Variants in P3H3 observed in about 807,000 individuals in gnomAD.
P3H3 encodes the protein prolyl 3-hydroxylase 3, also known as gene rich cluster, B.
P3H3 carries 64 observed loss-of-function variants against 78.1 expected under a neutral mutation model. The ratio of observed to expected loss-of-function variants is 0.82; its 90% CI spans 0.67 to 1.01. P3H3 has a LOEUF of 1.01. P3H3 is among the 50% of genes least tolerant of loss of function. P3H3 has a pLI of 0.00. For synonymous variants in P3H3, 425 were observed against 416.7 expected (o/e 1.02, Z -0.24); for missense variants, 975 against 982.2 (o/e 0.99, Z 0.10).
At chr12:6,837,191 G>A in intron 10 of P3H3, 105 bp downstream of exon 10, 1 of 1,095,486 alleles carries the variant, frequency 9.1e-7, no homozygotes, top group Non-Finnish European at 1.3e-6. Flanking sequence ...GAGCTTTCTT[G>A]GGACCGAGAC....
intron 13 of P3H3, among the ~76,000 whole-genome samples, chr12:6,838,476 G>C (rs1555122555): frequency 6.6e-6 from 1 of 152,090 alleles, no homozygotes; most frequent in Non-Finnish European, 1.5e-5. Flanking sequence ...GGTCATTGTA[G>C]GAAGTAATTT....
intron 9 of P3H3, among the ~76,000 whole-genome samples, chr12:6,836,001 G>A (rs1263008178): frequency 3.3e-5 from 5 of 152,186 alleles, no homozygotes; most frequent in Non-Finnish European, 7.3e-5. Flanking sequence ...TGAGGCAGGC[G>A]AATGGCTTGA....
intron 9 of P3H3, among the ~76,000 whole-genome samples, chr12:6,835,379 T>C (rs1943486073): frequency 6.6e-6 from 1 of 152,036 alleles, no homozygotes; most frequent in Non-Finnish European, 1.5e-5. Flanking sequence ...GGTCAGGAGT[T>C]CAAGACCAGC....
In P3H3 at chr12:6,831,300, A is replaced by G. The variant is rs1440122585; in HGVS notation, c.1070A>G (p.Asn357Ser). The change falls in exon 5 of 15, where the codon AAC becomes AGC. Residue 357 changes from asparagine (N) to serine (S), a missense_variant. Asn to Ser is a conservative substitution (Grantham distance 46). Transcript: ENST00000290510. This position sits in a 1 kb window ranked among gnomAD's most constrained non-coding sequence, Gnocchi z 4.6. Reference protein sequence around the residue: ...PEDEAAKRALNQYQAQLGEPR... With the variant: ...PEDEAAKRALSQYQAQLGEPR... ...GATGAGGCTGCCAAGAGGGCTCTGA[A>G]CCAGTACCAGGCCCAGCTGGGAGAG... The G allele has an allele frequency of 4.3e-6, 7 of 1,613,688 alleles. No individual in the cohort carries two copies. Among genetic ancestry groups the G allele is most frequent in the Non-Finnish European group, 5.9e-6 (7 of 1,179,830 alleles).
In P3H3 at chr12:6,828,877, C is replaced by T; in HGVS notation, c.437C>T (p.Ala146Val). Residue 146 changes from alanine to valine, a missense_variant, in exon 1 of 15, where the codon GCG becomes GTG. By Grantham distance (64) the Ala-to-Val change is moderately conservative (BLOSUM62 0). Transcript: ENST00000290510. ...GCGGCGCGGCTTCGCGTGGGGAGCG[C>T]GCTCCGGGACGCCTTCCGCCGTCGG... ...GGAARLRVGS[A>V]LRDAFRRREP... 8.0e-7 allele frequency: 1 copy of T among 1,247,032 alleles called. No individual in the cohort carries two copies. Among genetic ancestry groups the T allele is most frequent in the Non-Finnish European group, 1.0e-6 (1 of 995,630 alleles). 77.2% of individuals were successfully genotyped at this position (1,247,032 alleles called of 1,614,324 possible). A position where few individuals can be genotyped will look rare whatever the true frequency, so the allele number is the denominator to read the frequency against.
At chr12:6,832,127 T>G (rs1430464089) in intron 6 of P3H3, among the ~76,000 whole-genome samples, 1 of 152,196 alleles carries the variant, frequency 6.6e-6, no homozygotes, top group Non-Finnish European at 1.5e-5. Context: ...CCCAAACATC[T>G]CTGAACTTCA....
In P3H3 at chr12:6,831,934, C is replaced by T. The variant is rs1470112949; in HGVS notation, c.1212+20C>T. 2.9e-6 allele frequency: 4 copies of T among 1,389,284 alleles called. No individual in the cohort carries two copies. The highest frequency in any genetic ancestry group is 2.8e-5 in the African/African-American group (2 of 70,274). 86.1% of individuals were successfully genotyped at this position (1,389,284 alleles called of 1,614,324 possible). The stretch of plus-strand genomic sequence containing the variant: ...GATCCTGTGAGTCACTCCACTTCTG[C>T]CCATCTCACCCCTCCGCACTCCCAG... On this transcript the variant is annotated intron_variant, in intron 6 of 14. Transcript: ENST00000290510. The surrounding 1 kb of genome is among the most constrained non-coding windows in gnomAD (Gnocchi z 4.6).
rs782424518 is a variant in P3H3 at position 6,837,103 on chromosome 12, C to G, written c.1560+17C>G. 3 of 1,588,812 alleles carry G rather than the reference C, an allele frequency of 1.9e-6. No homozygotes were observed. Among genetic ancestry groups the G allele is most frequent in the Non-Finnish European group, 2.6e-6 (3 of 1,169,532 alleles). Reference sequence around the variant, plus strand: ...GCTGCGCAGGTGAGCACAGGAGGCACCCGGGCCCGTCTGATGCCCAGACCT... The same window carrying G: ...GCTGCGCAGGTGAGCACAGGAGGCAGCCGGGCCCGTCTGATGCCCAGACCT... On this transcript the variant is annotated intron_variant, in intron 10 of 14. Coordinates refer to ENST00000290510, the MANE Select transcript of P3H3 (RefSeq NM_014262.5).
Position 6,837,514 on chromosome 12 carries a change from C to G in P3H3, c.1652C>G (p.Ser551Cys). The G allele has an allele frequency of 6.2e-7, 1 of 1,611,990 alleles. No individual in the cohort carries two copies. The highest frequency in any genetic ancestry group is 1.6e-4 in the Middle Eastern group (1 of 6,062). The stretch of plus-strand genomic sequence containing the variant: ...CGGACCTTGACCCAGGCCTACTTCT[C>G]CCCGGAACGGCCCCTGCATCTGTCC... The part of the protein sequence containing the change: ...RVRTLTQAYF[S>C]PERPLHLSFT... Residue 551 changes from serine to cysteine, a missense_variant, in exon 11 of 15, where the codon TCC becomes TGC. Coordinates refer to ENST00000290510, the MANE Select transcript of P3H3 (RefSeq NM_014262.5).
At chr12:6,835,579 C>T (rs188694028) in intron 9 of P3H3, among the ~76,000 whole-genome samples, 26 of 151,682 alleles carry the variant, frequency 1.7e-4, no homozygotes, top group Admixed American at 1.2e-3. Context: ...ATCAAAACTC[C>T]GCCTCGAAAA....
chr12:6,828,664 T>C lies in P3H3; in HGVS notation c.224T>C (p.Leu75Pro). The change falls in exon 1 of 15, where the codon CTG becomes CCG. Residue 75 changes from leucine to proline, a missense_variant. Leu to Pro is a moderately conservative substitution (Grantham distance 98). Transcript: ENST00000290510. ...CAGGCGGCGCTGGGCCGGGTGCGGC[T>C]GGATTGCGGGGCGAGCTGCGCGGCC... ...RSQAALGRVR[L>P]DCGASCAADP... is the part of the protein sequence containing the mutation. 8.1e-7 allele frequency: 1 copy of C among 1,232,176 alleles called. No individual in the cohort carries two copies. Among genetic ancestry groups the C allele is most frequent in the Non-Finnish European group, 1.0e-6 (1 of 987,838 alleles). 76.3% of individuals were successfully genotyped at this position (1,232,176 alleles called of 1,614,324 possible). A position where few individuals can be genotyped will look rare whatever the true frequency, so the allele number is the denominator to read the frequency against.
chr12:6,830,953 G>T, intron 4 of P3H3, 183 bp downstream of exon 4: 1 of 915,362 alleles, frequency 1.1e-6, no homozygotes, highest in Non-Finnish European at 1.7e-6. Flanking sequence ...AAGCTCAGGA[G>T]ATGGGCTTCC....
At chr12:6,833,251 T>A (rs1943466694) in intron 6 of P3H3, among the ~76,000 whole-genome samples, 1 of 152,238 alleles carries the variant, frequency 6.6e-6, no homozygotes, top group Non-Finnish European at 1.5e-5. Context: ...TTGAGCATGT[T>A]ACTTTACTTC....
chr12:6,831,256 CCTGCTCTT>C lies in P3H3; in HGVS notation c.1029_1036del (p.Leu344ProfsTer4), dbSNP rs782376973. ...AGGCTATAGAAAATGTCCTGAGTGTCCTGCTCTTCTACCCGGAGGATGAGGCTGCCAAG... is the reference window on the plus strand; with the variant it reads ...AGGCTATAGAAAATGTCCTGAGTGTCCTACCCGGAGGATGAGGCTGCCAAG... On this transcript the variant is annotated frameshift_variant, in exon 5 of 15. Transcript: ENST00000290510. LOFTEE classifies it high-confidence loss of function. The surrounding 1 kb of genome is among the most constrained non-coding windows in gnomAD (Gnocchi z 4.6). The C allele has an allele frequency of 2.5e-6, 4 of 1,613,898 alleles. No individual in the cohort carries two copies. The highest frequency in any genetic ancestry group is 3.4e-6 in the Non-Finnish European group (4 of 1,179,842).
chr12:6,832,564 CT>C (rs1555121601), intron 6 of P3H3, among the ~76,000 whole-genome samples: 1 of 152,086 alleles, frequency 6.6e-6, no homozygotes, highest in Non-Finnish European at 1.5e-5. Flanking sequence ...TTGAGAACGA[CT>C]GGCTAAATGT....
Position 6,833,763 on chromosome 12 carries a change from T to C in P3H3, c.1287T>C (p.Pro429=), listed in dbSNP as rs1164256717. 1.1e-5 allele frequency: 17 copies of C among 1,611,372 alleles called. No homozygotes were observed. Among genetic ancestry groups the C allele is most frequent in the Admixed American group, 8.3e-5 (5 of 59,992 alleles). ...TGAGAGAGGATCAAGAGAAGAGGCC[T>C]TGGGACCATGAGCCCGTGAAGCCAA... ...EKLREDQEKR[P]WDHEPVKPKP... The change falls in exon 8 of 15, where the codon CCT becomes CCC. Residue 429 remains proline, a synonymous_variant. Coordinates refer to ENST00000290510, the MANE Select transcript of P3H3 (RefSeq NM_014262.5).
rs782424518 is a variant in P3H3 at position 6,837,103 on chromosome 12, C to A, written c.1560+17C>A. ...GCTGCGCAGGTGAGCACAGGAGGCACCCGGGCCCGTCTGATGCCCAGACCT... is the reference window on the plus strand; with the variant it reads ...GCTGCGCAGGTGAGCACAGGAGGCAACCGGGCCCGTCTGATGCCCAGACCT... On this transcript the variant is annotated intron_variant, in intron 10 of 14. Coordinates refer to ENST00000290510, the MANE Select transcript of P3H3 (RefSeq NM_014262.5). The A allele has an allele frequency of 6.3e-7, 1 of 1,588,930 alleles. No individual in the cohort carries two copies. The highest frequency in any genetic ancestry group is 1.7e-5 in the Admixed American group (1 of 59,828).
rs1943541158 is a variant in P3H3, at chr12:6,839,652, C to T, written c.*191C>T. On this transcript the variant is annotated 3_prime_UTR_variant, in exon 15 of 15. Transcript: ENST00000290510. ...ACAGTGCACAGGCTAGCCTGGAGCT[C>T]ACCAGGCCTGGGGAGCTGGGACGGG... 3 of 744,758 alleles carry T rather than the reference C, an allele frequency of 4.0e-6. No homozygotes were observed. The South Asian group carries it at 6.2e-5, about 15-fold the overall frequency. 46.1% of individuals were successfully genotyped at this position (744,758 alleles called of 1,614,324 possible).
At position 6,829,511 on chromosome 12, in the gene P3H3, G is replaced by A. The variant is rs1565510965; in HGVS notation, c.499-348G>A. The A allele has an allele frequency of 3.0e-6, 1 of 336,304 alleles. No individual in the cohort carries two copies. 20.8% of individuals were successfully genotyped at this position (336,304 alleles called of 1,614,324 possible). A position where few individuals can be genotyped will look rare whatever the true frequency, so the allele number is the denominator to read the frequency against. ...CCTCAGCTCAGGGTCCTAGAGACCT[G>A]CGGGTTTTGCTGGTCGCTGAGGTCT... On this transcript the variant is annotated intron_variant, in intron 1 of 14. Transcript: ENST00000290510. This position sits in a 1 kb window ranked among gnomAD's most constrained non-coding sequence, Gnocchi z 5.1.
Sources: gnomAD v4.1 joint callset for allele counts (sites outside exome capture counted in the v4.1 genomes callset) on GRCh38, gnomAD v4.1.1 for gene constraint, Gnocchi (gnomAD v3.1) non-coding constraint, MANE v1.5 for transcripts, NCBI Gene and HGNC (gene_info 2026-07-23, HGNC 2026-07-21) for gene names.